XRCC5: variants seen among roughly 807,000 people sequenced by gnomAD.
XRCC5 encodes the protein DNA repair protein Ku80.
Under a neutral mutation model 95.7 loss-of-function variants are expected in XRCC5, and 12 were observed. The ratio of observed to expected loss-of-function variants is 0.13; its 90% CI spans 0.08 to 0.20. XRCC5 has a LOEUF of 0.20. XRCC5 is among the 10% of genes least tolerant of loss of function. The probability of loss-of-function intolerance (pLI) is 1.00; values close to 1 mark genes in which losing one functional copy is unlikely to be tolerated. For missense variants in XRCC5, 595 were observed against 873.9 expected (o/e 0.68, Z 4.02); for synonymous variants, 281 against 290.3 (o/e 0.97, Z 0.33).
At chr2:216,131,764 G>A (rs1696996604) in intron 9 of XRCC5, among the ~76,000 whole-genome samples, 1 of 152,138 alleles carries the variant, frequency 6.6e-6, no homozygotes, top group Admixed American at 6.6e-5. Context: ...GTTAATCTCT[G>A]TAATCTAATT....
At chr2:216,181,963 G>GA (rs1484291288) in intron 16 of XRCC5, among the ~76,000 whole-genome samples, 2 of 152,096 alleles carry the variant, frequency 1.3e-5, no homozygotes, top group Non-Finnish European at 2.9e-5. Context: ...GGTCCCTAAG[G>GA]AAAAATACCG....
chr2:216,142,591 A>G (rs1559245670), intron 13 of XRCC5, among the ~76,000 whole-genome samples: 1 of 152,146 alleles, frequency 6.6e-6, no homozygotes, highest in African/African-American at 2.4e-5. Context: ...GACCCCCACA[A>G]AACTGAAAAA....
chr2:216,121,506 T>C (rs548996975), intron 5 of XRCC5, among the ~76,000 whole-genome samples: 2 of 152,316 alleles, frequency 1.3e-5, no homozygotes, highest in African/African-American at 4.8e-5. Flanking sequence ...TGTTCTCACG[T>C]GGTGGAAGGA....
chr2:216,168,583 C>T (rs1480641440), intron 16 of XRCC5, among the ~76,000 whole-genome samples: 2 of 152,156 alleles, frequency 1.3e-5, no homozygotes, highest in Non-Finnish European at 2.9e-5. Flanking sequence ...ATCAGAATAT[C>T]CCTAATTACA....
intron 11 of XRCC5, 27 bp downstream of exon 11, chr2:216,137,252 T>G: frequency 1.3e-6 from 2 of 1,599,828 alleles, no homozygotes; most frequent in Non-Finnish European, 1.7e-6. Flanking sequence ...TAATGTTATT[T>G]TTTTTCTTCA....
At chr2:216,114,895 C>A (rs984105213) in intron 2 of XRCC5, among the ~76,000 whole-genome samples, 2 of 152,110 alleles carry the variant, frequency 1.3e-5, no homozygotes, top group Non-Finnish European at 2.9e-5. Flanking sequence ...CGCATGCGGC[C>A]CCCTCTTAAG....
intron 16 of XRCC5, among the ~76,000 whole-genome samples, chr2:216,172,469 CTTTTTTTT>C (rs746493174): frequency 9.3e-6 from 1 of 107,800 alleles, no homozygotes; most frequent in African/African-American, 3.9e-5. Context: ...CTTTTCTTTT[CTTTTTTTT>C]TTTTTTTTTG....
chr2:216,204,398 T>G lies in XRCC5; in HGVS notation c.2184+2T>G. 1.2e-6 allele frequency: 2 copies of G among 1,613,856 alleles called. No homozygotes were observed. Among genetic ancestry groups the G allele is most frequent in the Non-Finnish European group, 1.7e-6 (2 of 1,179,774 alleles). On this transcript the variant is annotated splice_donor_variant, in intron 20 of 20. Coordinates refer to ENST00000392132, the MANE Select transcript of XRCC5 (RefSeq NM_021141.4). LOFTEE classifies it high-confidence loss of function. ...GAAGGTGGTGATGTGGACGATTTAGTAAGTACTTTTAATATGCACCTGGTG... is the reference window on the plus strand; with the variant it reads ...GAAGGTGGTGATGTGGACGATTTAGGAAGTACTTTTAATATGCACCTGGTG...
At chr2:216,141,540 CTTTTTTTT>C (rs71401137) in intron 13 of XRCC5, among the ~76,000 whole-genome samples, 4 of 64,982 alleles carry the variant, frequency 6.2e-5, no homozygotes, top group South Asian at 5.5e-4. Flanking sequence ...TCTTTCTTTT[CTTTTTTTT>C]TTTTTTTTTT....
intron 7 of XRCC5, among the ~76,000 whole-genome samples, chr2:216,126,664 CAT>C (rs1023739843): frequency 5.9e-5 from 9 of 152,190 alleles, no homozygotes; most frequent in African/African-American, 2.2e-4. Context: ...ACATTTTAGA[CAT>C]ATAAAATAAA....
intron 13 of XRCC5, among the ~76,000 whole-genome samples, chr2:216,147,110 A>C (rs1688650496): frequency 6.8e-6 from 1 of 146,642 alleles, no homozygotes; most frequent in Admixed American, 6.7e-5. Flanking sequence ...GGGCTACTTC[A>C]TATAGAGTGT....
At chr2:216,133,715 C>G (rs1218252043) in intron 10 of XRCC5, among the ~76,000 whole-genome samples, 2 of 152,150 alleles carry the variant, frequency 1.3e-5, no homozygotes, top group African/African-American at 4.8e-5. Flanking sequence ...TCAAGAAAAA[C>G]AGATTTATCT....
At chr2:216,134,049 C>G (rs1456519881) in intron 10 of XRCC5, among the ~76,000 whole-genome samples, 1 of 152,198 alleles carries the variant, frequency 6.6e-6, no homozygotes, top group Non-Finnish European at 1.5e-5. Flanking sequence ...ATTTTGTCAA[C>G]AAGGATTACT....
At chr2:216,133,424 C>T (rs1160338391) in intron 10 of XRCC5, among the ~76,000 whole-genome samples, 1 of 152,228 alleles carries the variant, frequency 6.6e-6, no homozygotes, top group Non-Finnish European at 1.5e-5. Context: ...GATTCTCCTA[C>T]CTCTGTTTCC....
At chr2:216,134,762 G>A (rs910274245) in intron 10 of XRCC5, among the ~76,000 whole-genome samples, 1 of 150,136 alleles carries the variant, frequency 6.7e-6, no homozygotes, top group Non-Finnish European at 1.5e-5. Context: ...CATCCTAATT[G>A]GTCCTGTCAA....
chr2:216,110,523 G>C (rs941265367), intron 1 of XRCC5: 4 of 152,206 alleles, frequency 2.6e-5, no homozygotes, highest in African/African-American at 9.7e-5. Flanking sequence ...TGAACTGGAA[G>C]TAAAATTCTA....
chr2:216,204,180 A>G (rs1430962944), intron 19 of XRCC5, 142 bp from the exon 20 acceptor site: 2 of 906,414 alleles, frequency 2.2e-6, no homozygotes, highest in African/African-American at 1.7e-5. Flanking sequence ...GTATGCCAGG[A>G]TGATGTTTCT....
chr2:216,178,220 C>T (rs1168161849), intron 16 of XRCC5, among the ~76,000 whole-genome samples: 3 of 152,128 alleles, frequency 2.0e-5, no homozygotes, highest in Admixed American at 6.5e-5. Context: ...TTAACTGTTT[C>T]GAGATGATTT....
intron 14 of XRCC5, among the ~76,000 whole-genome samples, chr2:216,157,745 G>A (rs1417559488): frequency 7.2e-5 from 11 of 152,170 alleles, no homozygotes; most frequent in Admixed American, 6.5e-4. Flanking sequence ...ATTCATACAT[G>A]TTTGTGAAAG....
Sources: allele counts gnomAD v4.1 joint callset (sites outside exome capture counted in the v4.1 genomes callset), GRCh38; gene constraint gnomAD v4.1.1; transcripts MANE v1.5; gene names NCBI Gene and HGNC (gene_info 2026-07-23, HGNC 2026-07-21).